MYLK: variants seen among roughly 807,000 people sequenced by gnomAD.
MYLK encodes the protein myosin light chain kinase, also known as myosin light chain kinase, smooth muscle.
MYLK carries 106 observed loss-of-function variants against 203.4 expected under a neutral mutation model. The ratio of observed to expected loss-of-function variants is 0.52; its 90% confidence interval spans 0.45 to 0.61. MYLK has a LOEUF of 0.61. MYLK is among the 20% of genes least tolerant of loss of function. The probability of loss-of-function intolerance (pLI) is 0.00; values close to 1 mark genes in which losing one functional copy is unlikely to be tolerated. For synonymous variants in MYLK, 867 were observed against 959.5 expected (o/e 0.90, Z 1.78); for missense variants, 2,072 against 2,442.3 (o/e 0.85, Z 3.20).
intron 31 of MYLK, among the ~76,000 whole-genome samples, chr3:123,625,819 AAAAG>A (rs1391569006): frequency 6.6e-6 from 1 of 152,168 alleles, no homozygotes; most frequent in Non-Finnish European, 1.5e-5. Context: ...AAAAAAAAAA[AAAAG>A]AATTGTAATT....
intron 5 of MYLK, among the ~76,000 whole-genome samples, chr3:123,741,082 CCCT>C (rs1180295385): frequency 1.3e-5 from 2 of 152,166 alleles, no homozygotes; most frequent in African/African-American, 4.8e-5. Flanking sequence ...GTTTATAAAA[CCCT>C]ATCCCAGGGA....
intron 24 of MYLK, among the ~76,000 whole-genome samples, chr3:123,654,083 G>C (rs980947640): frequency 2.6e-5 from 4 of 151,534 alleles, no homozygotes; most frequent in Non-Finnish European, 5.9e-5. Flanking sequence ...AGACATTTGG[G>C]AGTGGCTAGT....
intron 5 of MYLK, among the ~76,000 whole-genome samples, chr3:123,743,965 G>A (rs1412935580): frequency 2.6e-5 from 4 of 152,150 alleles, no homozygotes. Flanking sequence ...GACTGTTCCA[G>A]GAAAAGTGGG....
intron 2 of MYLK, among the ~76,000 whole-genome samples, chr3:123,869,361 C>G (rs2032575701): frequency 6.6e-6 from 1 of 152,118 alleles, no homozygotes; most frequent in Non-Finnish European, 1.5e-5. Flanking sequence ...AAATCCAAGG[C>G]AATTATGCAA....
chr3:123,722,000 T>C (rs1177437290), intron 13 of MYLK, 128 bp downstream of exon 13: 3 of 1,201,690 alleles, frequency 2.5e-6, no homozygotes, highest in Non-Finnish European at 3.6e-6. Context: ...TGGTGTGGAG[T>C]AGTGCCATGT....
At chr3:123,687,254 G>A (rs917909503) in intron 19 of MYLK, among the ~76,000 whole-genome samples, 6 of 152,216 alleles carry the variant, frequency 3.9e-5, no homozygotes, top group Admixed American at 2.6e-4. Flanking sequence ...GTGGGGGTGG[G>A]AGCAGACTTA....
chr3:123,843,281 T>C (rs1419617937), intron 2 of MYLK, among the ~76,000 whole-genome samples: 1 of 152,214 alleles, frequency 6.6e-6, no homozygotes, highest in Non-Finnish European at 1.5e-5. Context: ...TATTTTAATA[T>C]GTCCTTGCAA....
chr3:123,743,585 T>C (rs996028418), intron 5 of MYLK, among the ~76,000 whole-genome samples: 1 of 152,024 alleles, frequency 6.6e-6, no homozygotes, highest in Non-Finnish European at 1.5e-5. Flanking sequence ...ATGCAAAAAA[T>C]AGAAGAATGA....
At chr3:123,615,049 A>G (rs1427060151) in intron 33 of MYLK, among the ~76,000 whole-genome samples, 1 of 151,592 alleles carries the variant, frequency 6.6e-6, no homozygotes, top group Non-Finnish European at 1.5e-5. Context: ...TCCTGGGCTC[A>G]AGTGATCCTC....
Position 123,614,392 on chromosome 3 carries a change from C to A in MYLK, c.5501-43G>T, listed in dbSNP as rs767314823. The A allele has an allele frequency of 1.9e-6, 3 of 1,613,086 alleles. No homozygotes were observed. In the South Asian group the frequency reaches 3.3e-5, roughly 18 times the overall value. On this transcript the variant is annotated intron_variant, in intron 33 of 33. Coordinates refer to ENST00000360304, the MANE Select transcript of MYLK (RefSeq NM_053025.4). Reference sequence around the variant, plus strand: ...AACACAAGTTGCAGGAACTGTTATTCAAAATTTCTTATCAACTCATGCAAG... The same window carrying A: ...AACACAAGTTGCAGGAACTGTTATTAAAAATTTCTTATCAACTCATGCAAG...
chr3:123,635,996 T>C (rs573625786), intron 29 of MYLK, among the ~76,000 whole-genome samples: 3 of 152,218 alleles, frequency 2.0e-5, no homozygotes, highest in Non-Finnish European at 4.4e-5. Flanking sequence ...TCTTTCTGTA[T>C]GATTTCATTG....
intron 11 of MYLK, among the ~76,000 whole-genome samples, chr3:123,729,850 C>G (rs563683075): frequency 3.0e-4 from 45 of 151,740 alleles, no homozygotes; most frequent in African/African-American, 1.1e-3. Context: ...CCACTGCACT[C>G]CAGCCTGGGC....
intron 3 of MYLK, among the ~76,000 whole-genome samples, chr3:123,815,354 G>A (rs2065712994): frequency 1.3e-5 from 2 of 152,076 alleles, no homozygotes; most frequent in Admixed American, 1.3e-4. Context: ...TTGAAGGGAT[G>A]TACACTTAGA....
At chr3:123,878,978 G>A (rs895249749) in intron 1 of MYLK, among the ~76,000 whole-genome samples, 1 of 152,200 alleles carries the variant, frequency 6.6e-6, no homozygotes, top group African/African-American at 2.4e-5. Flanking sequence ...GAACCACGGT[G>A]CCCAGCCACC....
chr3:123,696,931 G>A (rs1324867853), intron 18 of MYLK, among the ~76,000 whole-genome samples: 2 of 152,240 alleles, frequency 1.3e-5, no homozygotes, highest in African/African-American at 4.8e-5. Context: ...GCTGTTAGCA[G>A]GACGCCTCTG....
Position 123,722,113 on chromosome 3 carries a change from C to A in MYLK, c.1804+15G>T, listed in dbSNP as rs764043086. On this transcript the variant is annotated intron_variant, in intron 13 of 33. Coordinates refer to ENST00000360304, the MANE Select transcript of MYLK (RefSeq NM_053025.4). ...CAGGAAAGGTGCTTCTACCCAGGTG[C>A]CCAGAGGCTCCTACCATGGACGGTG... The A allele has an allele frequency of 6.4e-6, 10 of 1,560,538 alleles. No homozygotes were observed. In the South Asian group the frequency reaches 1.1e-4, roughly 17 times the overall value.
At chr3:123,657,056 C>A in intron 24 of MYLK, 70 bp downstream of exon 24, 1 of 1,550,628 alleles carries the variant, frequency 6.4e-7, no homozygotes, top group Admixed American at 1.7e-5. Flanking sequence ...CCTTTCAGTA[C>A]AGTCTTTACA....
chr3:123,774,528 C>A (rs560247665), intron 4 of MYLK, among the ~76,000 whole-genome samples: 11 of 152,132 alleles, frequency 7.2e-5, no homozygotes, highest in Non-Finnish European at 1.5e-4. Flanking sequence ...GTAATTTACA[C>A]AAGGTCCCCA....
intron 3 of MYLK, 101 bp downstream of exon 3, chr3:123,831,447 T>C: frequency 7.8e-7 from 1 of 1,288,996 alleles, no homozygotes. Flanking sequence ...AGCAGTCTCT[T>C]CTGGGCACCT....
Sources: gnomAD v4.1 joint callset for allele counts (sites outside exome capture counted in the v4.1 genomes callset) on GRCh38, gnomAD v4.1.1 for gene constraint, MANE v1.5 for transcripts, NCBI Gene and HGNC (gene_info 2026-07-23, HGNC 2026-07-21) for gene names.